C1orf105: variants seen among roughly 807,000 people sequenced by gnomAD.
C1orf105 encodes uncharacterized protein C1orf105.
Under a neutral mutation model 20.8 loss-of-function variants are expected in C1orf105, and 17 were observed. The observed-to-expected ratio is 0.82, with a 90% CI of 0.56 to 1.23. The LOEUF (loss-of-function observed/expected upper bound fraction) is 1.23. C1orf105 is among the 50% of genes most tolerant of loss of function. C1orf105 has a pLI of 0.00. For missense variants in C1orf105, 219 were observed against 213.5 expected (o/e 1.03, Z -0.16); for synonymous variants, 72 against 72.1 (o/e 1.00, Z 0.01).
At chr1:172,424,419 C>T (rs144917027) in intron 1 of C1orf105, among the ~76,000 whole-genome samples, 203 of 152,306 alleles carry the variant, frequency 1.3e-3, no homozygotes, top group African/African-American at 4.6e-3. Context: ...GAGATGGAGT[C>T]TTGCTCTGTC....
chr1:172,433,210 C>T (rs1223939930), intron 1 of C1orf105, among the ~76,000 whole-genome samples: 1 of 151,248 alleles, frequency 6.6e-6, no homozygotes, highest in Non-Finnish European at 1.5e-5. Context: ...ATTATCCAGC[C>T]TAGCAAGGCA....
intron 1 of C1orf105, among the ~76,000 whole-genome samples, chr1:172,422,135 G>C (rs1366548572): frequency 6.6e-6 from 1 of 150,838 alleles, no homozygotes; most frequent in East Asian, 2.0e-4. Flanking sequence ...GCACGATCTA[G>C]TAAGACACCA....
rs375615276 is a variant in C1orf105, at chr1:172,442,312, T to C, written c.22-2761T>C. On this transcript the variant is annotated intron_variant, in intron 1 of 6. Transcript: ENST00000367727. ...ACTCTTCTTCCGCCCTTCACCTCCATCAATGAGATCAAACAAAACATACCC... is the reference window on the plus strand; with the variant it reads ...ACTCTTCTTCCGCCCTTCACCTCCACCAATGAGATCAAACAAAACATACCC... 18 of 1,613,208 alleles carry C rather than the reference T, an allele frequency of 1.1e-5. No homozygotes were observed. In the African/African-American group the frequency reaches 2.1e-4, roughly 19 times the overall value.
chr1:172,423,990 G>A (rs142676615), intron 1 of C1orf105, among the ~76,000 whole-genome samples: 20 of 152,256 alleles, frequency 1.3e-4, no homozygotes, highest in Middle Eastern at 3.4e-3. Flanking sequence ...TTTTGTTATT[G>A]TTTTTGATGC....
At chr1:172,422,307 T>C (rs1248101286) in intron 1 of C1orf105, among the ~76,000 whole-genome samples, 1 of 152,170 alleles carries the variant, frequency 6.6e-6, no homozygotes. Context: ...CAGAGTAGGA[T>C]AGGGTACTGG....
At chr1:172,456,342 T>G (rs991484919) in intron 3 of C1orf105, 73 bp from the exon 4 acceptor site, 2 of 1,323,670 alleles carry the variant, frequency 1.5e-6, no homozygotes, top group Non-Finnish European at 1.1e-6. Context: ...ACCCCTCCAC[T>G]GCTTTCCTAC....
chr1:172,466,573 TACACACACACACACACACACAC>T (rs3980398), intron 6 of C1orf105, among the ~76,000 whole-genome samples: 204 of 147,302 alleles, frequency 1.4e-3, no homozygotes, highest in African/African-American at 4.4e-3. Context: ...ATGAATCACA[TACACACACACACACACACACAC>T]ACACACACAC....
At chr1:172,465,674 C>A in intron 6 of C1orf105, 1 of 502,388 alleles carries the variant, frequency 2.0e-6, no homozygotes, top group Non-Finnish European at 3.9e-6. Context: ...AAAAGTTCCC[C>A]TATTGGCAGT....
intron 1 of C1orf105, among the ~76,000 whole-genome samples, chr1:172,424,851 G>A (rs1352464419): frequency 6.6e-6 from 1 of 151,882 alleles, no homozygotes; most frequent in Admixed American, 6.6e-5. Flanking sequence ...TATTTATTTT[G>A]CAACTTAAAA....
At position 172,442,942 on chromosome 1, in the gene C1orf105, A is replaced by C. The variant is rs1647489559; in HGVS notation, c.22-2131A>C. 1.4e-5 allele frequency: 4 copies of C among 276,092 alleles called. No individual in the cohort carries two copies. The South Asian group carries it at 3.1e-4, about 21-fold the overall frequency. 17.1% of individuals were successfully genotyped at this position (276,092 alleles called of 1,614,324 possible). On this transcript the variant is annotated intron_variant, in intron 1 of 6. Transcript: ENST00000367727. ...AAAGTCTGAGAAAAATGTATGTGGT[A>C]GTCACCTTATGGGACATTAAAACTG...
At chr1:172,453,596 A>G (rs925413463) in intron 3 of C1orf105, among the ~76,000 whole-genome samples, 6 of 152,158 alleles carry the variant, frequency 3.9e-5, no homozygotes, top group African/African-American at 7.2e-5. Context: ...CATTTGCCCA[A>G]TGTTTGTTGA....
intron 3 of C1orf105, among the ~76,000 whole-genome samples, chr1:172,456,151 A>G (rs1558141874): frequency 1.3e-5 from 2 of 151,976 alleles, no homozygotes; most frequent in South Asian, 2.1e-4. Context: ...CTGTCTTTAC[A>G]TGTATACCAC....
chr1:172,461,204 C>T (rs1649668734), intron 4 of C1orf105, among the ~76,000 whole-genome samples: 1 of 152,230 alleles, frequency 6.6e-6, no homozygotes, highest in South Asian at 2.1e-4. Context: ...ATCCTTTCTT[C>T]AGCTAATGAG....
At position 172,462,251 on chromosome 1, in the gene C1orf105, TCAA is replaced by T. The variant is rs1649751289; in HGVS notation, c.341+10_341+12del. On this transcript the variant is annotated splice_region_variant and intron_variant, in intron 5 of 6. Transcript: ENST00000367727. Reference sequence around the variant, plus strand: ...GAGAATTGTATGAGTTATAGGTAAGTCAACAATTTAAATCAGGACATGACTTAA... The same window carrying T: ...GAGAATTGTATGAGTTATAGGTAAGTCAATTTAAATCAGGACATGACTTAA... 6.3e-7 allele frequency: 1 copy of T among 1,591,844 alleles called. No individual in the cohort carries two copies. Among genetic ancestry groups the T allele is most frequent in the Non-Finnish European group, 8.6e-7 (1 of 1,165,066 alleles).
At chr1:172,438,049 A>G (rs1047790830) in intron 1 of C1orf105, among the ~76,000 whole-genome samples, 2 of 152,194 alleles carry the variant, frequency 1.3e-5, no homozygotes, top group Non-Finnish European at 2.9e-5. Context: ...GTAAAACAAT[A>G]AAGCATGGAT....
chr1:172,435,769 T>A (rs1006713480), intron 1 of C1orf105, among the ~76,000 whole-genome samples: 6 of 152,180 alleles, frequency 3.9e-5, no homozygotes, highest in Non-Finnish European at 8.8e-5. Context: ...GAGAAAGAAA[T>A]AAAGGGTATT....
At chr1:172,442,509 C>T in intron 1 of C1orf105, 1 of 1,614,192 alleles carries the variant, frequency 6.2e-7, no homozygotes, top group Non-Finnish European at 8.5e-7. Flanking sequence ...GGATGTTTTT[C>T]CGGAGCTCTT....
chr1:172,430,427 C>T, intron 1 of C1orf105: 1 of 611,642 alleles, frequency 1.6e-6, no homozygotes. Context: ...TTTTAATTTG[C>T]AATTTTTCTT....
rs534061365 is a variant in C1orf105 at position 172,465,850 on chromosome 1, G to A, written c.406+487G>A. ...TTCACTTGCTGTTGATAGAAACAAG[G>A]AAAGCAGCTCTATTTCAGGCTTCAG... On this transcript the variant is annotated intron_variant, in intron 6 of 6. Transcript: ENST00000367727. Among the ~76,000 whole-genome samples, 14 of 152,316 alleles carry A rather than the reference G, an allele frequency of 9.2e-5. No homozygotes were observed. The South Asian group carries it at 2.7e-3, about 29-fold the overall frequency.
Sources: allele counts gnomAD v4.1 joint callset (sites outside exome capture counted in the v4.1 genomes callset), GRCh38; gene constraint gnomAD v4.1.1; transcripts MANE v1.5; gene names NCBI Gene and HGNC (gene_info 2026-07-23, HGNC 2026-07-21).